Variants in EXD3 observed in about 807,000 individuals in gnomAD.
EXD3 encodes the protein exonuclease mut-7 homolog.
A neutral mutation model predicts 98.0 loss-of-function variants in EXD3; 92 were observed. That is an observed-to-expected ratio of 0.94 (90% CI 0.79 to 1.12). The LOEUF (loss-of-function observed/expected upper bound fraction) is 1.12. Among genes scored for constraint, EXD3 ranks in the 50% most tolerant of loss-of-function variants. EXD3 has a pLI of 0.00. For synonymous variants in EXD3, 569 were observed against 526.0 expected, an observed-to-expected ratio of 1.08 and a Z score of -1.12; for missense variants, 1,222 against 1,191.6, an observed-to-expected ratio of 1.03 and a Z score of -0.38.
Position 137,348,194 on chromosome 9 carries a change from A to T in EXD3, c.1875T>A (p.Ile625=), listed in dbSNP as rs1834036352. ...ACACCACACGGAAGGCCCTGGCCGG[A>T]ATCTGAGGGGCAGCGCCCTCAGACA... ...VAVSEGAAPQ[I]PARAFRVVCD... is the part of the protein sequence containing the mutation. Residue 625 remains isoleucine, a synonymous_variant, in exon 17 of 22, where the codon ATT becomes ATA. Transcript: ENST00000340951. 1 of 1,611,658 alleles carries T rather than the reference A, an allele frequency of 6.2e-7. No individual in the cohort carries two copies. Among genetic ancestry groups the T allele is most frequent in the Non-Finnish European group, 8.5e-7 (1 of 1,179,670 alleles).
At chr9:137,421,529 T>C (rs1838512689) in intron 1 of EXD3, among the ~76,000 whole-genome samples, 1 of 152,234 alleles carries the variant, frequency 6.6e-6, no homozygotes, top group Admixed American at 6.5e-5. Context: ...TGAACAATCT[T>C]CTGGCTACAA....
chr9:137,353,556 C>G, intron 10 of EXD3: 1 of 986,072 alleles, frequency 1.0e-6, no homozygotes, highest in Non-Finnish European at 1.2e-6. Flanking sequence ...CCAAGGGGGT[C>G]CTGAGAAACC....
chr9:137,418,350 C>CA (rs1194084451), intron 1 of EXD3, among the ~76,000 whole-genome samples: 38 of 152,090 alleles, frequency 2.5e-4, no homozygotes, highest in Admixed American at 2.5e-3. Flanking sequence ...GACTCTGTCT[C>CA]AAAAAACAAA....
At chr9:137,406,193 G>T (rs1837702266) in intron 1 of EXD3, among the ~76,000 whole-genome samples, 1 of 149,240 alleles carries the variant, frequency 6.7e-6, no homozygotes, top group Non-Finnish European at 1.5e-5. Context: ...TCTAGCCTGG[G>T]TGACAGAGCA....
chr9:137,401,372 G>T (rs1837475947), intron 1 of EXD3, among the ~76,000 whole-genome samples: 1 of 152,122 alleles, frequency 6.6e-6, no homozygotes, highest in Non-Finnish European at 1.5e-5. Flanking sequence ...AGCCAGGATG[G>T]TCTTGATCTC....
chr9:137,310,371 G>A (rs1207009714), intron 19 of EXD3, among the ~76,000 whole-genome samples: 4 of 152,184 alleles, frequency 2.6e-5, no homozygotes, highest in Non-Finnish European at 5.9e-5. Context: ...AGCCTCCTGA[G>A]TAGTACACCA....
intron 3 of EXD3, among the ~76,000 whole-genome samples, chr9:137,374,328 C>T (rs1305064866): frequency 1.3e-5 from 2 of 152,252 alleles, no homozygotes; most frequent in African/African-American, 4.8e-5. Flanking sequence ...CCGACGGCCA[C>T]GCAGGTGGGC....
chr9:137,401,047 C>G (rs951370685), intron 1 of EXD3, among the ~76,000 whole-genome samples: 1 of 151,920 alleles, frequency 6.6e-6, no homozygotes, highest in Non-Finnish European at 1.5e-5. Context: ...TGCAGGCTGT[C>G]GGTGGATCTA....
rs893974857 is a variant in EXD3 at position 137,348,082 on chromosome 9, T to C, written c.1987A>G (p.Arg663Gly). The C allele has an allele frequency of 6.2e-7, 1 of 1,610,956 alleles. No individual in the cohort carries two copies. Among genetic ancestry groups the C allele is most frequent in the Non-Finnish European group, 8.5e-7 (1 of 1,179,540 alleles). The change falls in exon 17 of 22, where the codon AGG becomes GGG. Residue 663 changes from arginine to glycine, a missense_variant. Physicochemically the swap from Arg to Gly is moderately radical, Grantham distance 125. Coordinates refer to ENST00000340951, the MANE Select transcript of EXD3 (RefSeq NM_017820.5). ...RMLGNGEDHR[R>G]AAEVARQEGR... The stretch of plus-strand genomic sequence containing the variant: ...CCCCGCAAACTCACCTCGGCCGCCC[T>C]GCGGTGGTCTTCACCATTGCCCAGC...
At chr9:137,358,682 T>G (rs1025359869) in intron 7 of EXD3, among the ~76,000 whole-genome samples, 8 of 152,114 alleles carry the variant, frequency 5.3e-5, no homozygotes, top group African/African-American at 1.9e-4. Flanking sequence ...ACTTAAAACT[T>G]TTTTAAAATT....
chr9:137,311,915 A>G (rs1054661509), intron 19 of EXD3, among the ~76,000 whole-genome samples: 3 of 152,090 alleles, frequency 2.0e-5, no homozygotes, highest in African/African-American at 7.2e-5. Context: ...TTGGACAGCG[A>G]TCGTCCACCT....
rs1350839750 is a variant in EXD3, at chr9:137,354,755, G to A, written c.776C>T (p.Ala259Val). The A allele has an allele frequency of 1.2e-6, 2 of 1,610,208 alleles. No homozygotes were observed. The highest frequency in any genetic ancestry group is 2.2e-5 in the East Asian group (1 of 44,874). ...CAGGGCCGCCAGGCGCTGCTGAATG[G>A]CCGCGTTGGGACACAGCGCTGAAAG... ...GVAPALCPNAAIQQRLAALRH... is the reference protein window; with the variant it reads ...GVAPALCPNAVIQQRLAALRH... Residue 259 changes from alanine (A) to valine (V), a missense_variant, in exon 9 of 22, where the codon GCC becomes GTC. Coordinates refer to ENST00000340951, the MANE Select transcript of EXD3 (RefSeq NM_017820.5).
intron 8 of EXD3, among the ~76,000 whole-genome samples, chr9:137,355,453 AG>A (rs1834600752): frequency 7.9e-6 from 1 of 126,690 alleles, no homozygotes; most frequent in African/African-American, 3.5e-5. Flanking sequence ...GGGAGGATGG[AG>A]GAAGGAGAAA....
intron 19 of EXD3, among the ~76,000 whole-genome samples, chr9:137,317,171 C>G (rs567715493): frequency 1.6e-4 from 25 of 152,256 alleles, no homozygotes; most frequent in African/African-American, 5.8e-4. Context: ...GCCTCTGTAG[C>G]TGCGGGCAGG....
At chr9:137,330,357 C>G (rs1257315230) in intron 17 of EXD3, among the ~76,000 whole-genome samples, 1 of 139,936 alleles carries the variant, frequency 7.1e-6, no homozygotes, top group Non-Finnish European at 1.5e-5. Flanking sequence ...CAGGACTACA[C>G]AGGAGCTACA....
intron 1 of EXD3, among the ~76,000 whole-genome samples, chr9:137,400,152 G>T (rs537672080): frequency 6.6e-6 from 1 of 152,176 alleles, no homozygotes; most frequent in Non-Finnish European, 1.5e-5. Context: ...TGGCCCCCAT[G>T]ATGTAATTAC....
Position 137,309,707 on chromosome 9 carries a change from G to T in EXD3, c.2185-7C>A. 6.4e-7 allele frequency: 1 copy of T among 1,550,610 alleles called. No individual in the cohort carries two copies. Among genetic ancestry groups the T allele is most frequent in the Non-Finnish European group, 8.7e-7 (1 of 1,147,014 alleles). ...ACTGGTCACAGTTACAGGCCTGGGG[G>T]CCAGAGGGGGTGCTGAGGCCCAGGC... On this transcript the variant is annotated splice_polypyrimidine_tract_variant and splice_region_variant and intron_variant, in intron 19 of 21. Transcript: ENST00000340951.
In EXD3 at chr9:137,407,285, G is replaced by GC. The variant is rs1225571297; in HGVS notation, c.-47-11882dup. ...CCACCAGGCCAGCGCTGCAGGCAGA[G>GC]CCCAGCCCGGCGGCCGCGGCGAACA... is the stretch of plus-strand genomic sequence containing the variant. On this transcript the variant is annotated intron_variant, in intron 1 of 21. Coordinates refer to ENST00000340951, the MANE Select transcript of EXD3 (RefSeq NM_017820.5). The surrounding 1 kb of genome is among the most constrained non-coding windows in gnomAD (Gnocchi z 4.4). 6.6e-6 allele frequency among the ~76,000 whole-genome samples: 1 copy of GC among 152,192 alleles called. No individual in the cohort carries two copies. The highest frequency in any genetic ancestry group is 1.5e-5 in the Non-Finnish European group (1 of 68,030).
At position 137,393,757 on chromosome 9, in the gene EXD3, A is replaced by G. The variant is rs190659428; in HGVS notation, c.55+1546T>C. ...GAGGGGAGGGCCATGGCCCTGCCCC[A>G]TGGAGGGGCTGCCAGGCAGGGCATG... is the stretch of plus-strand genomic sequence containing the variant. On this transcript the variant is annotated intron_variant, in intron 2 of 21. Transcript: ENST00000340951. This position sits in a 1 kb window ranked among gnomAD's most constrained non-coding sequence, Gnocchi z 4.6. Among the ~76,000 whole-genome samples, 769 of 152,244 alleles carry G rather than the reference A, an allele frequency of 5.1e-3. 9 individuals carry two copies. The highest frequency in any genetic ancestry group is 0.024 in the South Asian group (114 of 4,828).
Sources: gnomAD v4.1 joint callset for allele counts (sites outside exome capture counted in the v4.1 genomes callset) on GRCh38, gnomAD v4.1.1 for gene constraint, Gnocchi (gnomAD v3.1) non-coding constraint, MANE v1.5 for transcripts, NCBI Gene and HGNC (gene_info 2026-07-23, HGNC 2026-07-21) for gene names.